SEMA3D: variants seen among roughly 807,000 people sequenced by gnomAD.
SEMA3D encodes the protein semaphorin 3D.
In SEMA3D, 84 loss-of-function variants were observed where a neutral mutation model predicts 100.1. The ratio of observed to expected loss-of-function variants is 0.84; its 90% confidence interval spans 0.70 to 1.01. SEMA3D has a LOEUF of 1.01. Ranked by LOEUF, SEMA3D falls within the 50% of genes least tolerant of loss-of-function variation. SEMA3D has a pLI of 0.00. For missense variants in SEMA3D, 875 were observed against 934.1 expected (o/e 0.94, Z 0.82); for synonymous variants, 312 against 320.7 (o/e 0.97, Z 0.29).
intron 9 of SEMA3D, 41 bp from the exon 10 acceptor site, chr7:85,042,326 C>T (rs778325318): frequency 2.2e-6 from 3 of 1,386,514 alleles, no homozygotes; most frequent in South Asian, 1.2e-5. Context: ...TTTATCAACA[C>T]AATTCTACCA....
chr7:85,236,395 A>G, the SEMA3D span, among the ~76,000 whole-genome samples: 2 of 151,208 alleles, frequency 1.3e-5, no homozygotes, highest in East Asian at 1.9e-4. Context: ...GCAACCTCCA[A>G]CTTCCCATTT....
At chr7:85,140,709 T>A in intron 2 of SEMA3D, 1 of 978,846 alleles carries the variant, frequency 1.0e-6, no homozygotes, top group Non-Finnish European at 1.2e-6. Flanking sequence ...AAGAGATAAA[T>A]CTATTTAATA....
At chr7:85,153,273 C>T (rs988983838) in intron 2 of SEMA3D, among the ~76,000 whole-genome samples, 3 of 152,154 alleles carry the variant, frequency 2.0e-5, no homozygotes, top group African/African-American at 7.2e-5. Context: ...ATATAACTAA[C>T]AGGACTCAAA....
At chr7:85,011,627 T>C (rs920592907) in intron 17 of SEMA3D, among the ~76,000 whole-genome samples, 3 of 151,800 alleles carry the variant, frequency 2.0e-5, no homozygotes, top group Non-Finnish European at 2.9e-5. Flanking sequence ...TCAATACCTA[T>C]AATCATCCCC....
chr7:85,140,639 A>G (rs1790019853), intron 2 of SEMA3D: 1 of 963,502 alleles, frequency 1.0e-6, no homozygotes, highest in Non-Finnish European at 1.2e-6. Context: ...TATAATCTAT[A>G]GCCTACAACC....
chr7:85,110,657 C>A (rs1295448699), intron 3 of SEMA3D, among the ~76,000 whole-genome samples: 1 of 151,954 alleles, frequency 6.6e-6, no homozygotes. Context: ...ATAATCTCAT[C>A]AATACTGTCT....
rs540671114 is a variant in SEMA3D at position 85,058,672 on chromosome 7, C to T, written c.719-2813G>A. Among the ~76,000 whole-genome samples, 324 of 145,468 alleles carry T rather than the reference C, an allele frequency of 2.2e-3. 2 individuals are homozygous for T. The highest frequency in any genetic ancestry group is 7.8e-3 in the African/African-American group (309 of 39,672). ...CTGAGGCAGGAGAATGGCCTGAACCCGGGAGGCGCAGCTTGCAGTGAGACA... is the reference window on the plus strand; with the variant it reads ...CTGAGGCAGGAGAATGGCCTGAACCTGGGAGGCGCAGCTTGCAGTGAGACA... On this transcript the variant is annotated intron_variant, in intron 8 of 18. Coordinates refer to ENST00000284136, the MANE Select transcript of SEMA3D (RefSeq NM_001384900.1).
intron 9 of SEMA3D, among the ~76,000 whole-genome samples, chr7:85,045,668 C>A (rs993260958): frequency 1.3e-5 from 2 of 151,650 alleles, no homozygotes; most frequent in Non-Finnish European, 2.9e-5. Context: ...TAAGAATAAG[C>A]AAAAATATTG....
At chr7:85,158,990 C>G (rs1379980957) in intron 1 of SEMA3D, among the ~76,000 whole-genome samples, 1 of 152,138 alleles carries the variant, frequency 6.6e-6, no homozygotes, top group Non-Finnish European at 1.5e-5. Flanking sequence ...CTGACTGTGT[C>G]TATTGTGTCT....
intron 15 of SEMA3D, 130 bp from the exon 16 acceptor site, chr7:85,015,346 T>C (rs1407055860): frequency 9.5e-6 from 7 of 739,968 alleles, no homozygotes; most frequent in Non-Finnish European, 1.5e-5. Context: ...TAAACACTTG[T>C]ACAGAAACAT....
the SEMA3D span, among the ~76,000 whole-genome samples, chr7:85,243,882 A>G: frequency 7.2e-4 from 109 of 152,304 alleles, 1 homozygote; most frequent in African/African-American, 2.6e-3. Flanking sequence ...ATACTATCTC[A>G]TATTGACAAT....
At chr7:85,187,732 G>A (rs1791601174), upstream of SEMA3D, among the ~76,000 whole-genome samples, 2 of 152,120 alleles carry the variant, frequency 1.3e-5, no homozygotes, top group Admixed American at 1.3e-4. Flanking sequence ...TGGATCCTAT[G>A]CAATTGGAAT....
At chr7:85,130,970 A>G (rs551118382) in intron 2 of SEMA3D, among the ~76,000 whole-genome samples, 1 of 152,106 alleles carries the variant, frequency 6.6e-6, no homozygotes, top group Non-Finnish European at 1.5e-5. Flanking sequence ...GAAATTGTGG[A>G]TAACAAGGGT....
intron 4 of SEMA3D, among the ~76,000 whole-genome samples, chr7:85,085,555 T>G (rs1788190306): frequency 6.6e-6 from 1 of 152,160 alleles, no homozygotes; most frequent in Non-Finnish European, 1.5e-5. Flanking sequence ...GACATATAAT[T>G]ATGAAAGGCC....
intron 13 of SEMA3D, among the ~76,000 whole-genome samples, chr7:85,020,781 A>T (rs1265803437): frequency 6.6e-6 from 1 of 151,694 alleles, no homozygotes; most frequent in East Asian, 2.0e-4. Flanking sequence ...AATGTTGTCA[A>T]ATGAACAAAA....
intron 1 of SEMA3D, among the ~76,000 whole-genome samples, chr7:85,164,993 C>A (rs1051538026): frequency 1.2e-5 from 1 of 84,580 alleles, no homozygotes; most frequent in Non-Finnish European, 2.3e-5. Context: ...TATCCCTCCC[C>A]CTTCCCCCCA....
At chr7:85,067,686 G>A (rs1439953479) in intron 7 of SEMA3D, among the ~76,000 whole-genome samples, 2 of 152,158 alleles carry the variant, frequency 1.3e-5, no homozygotes, top group African/African-American at 2.4e-5. Flanking sequence ...TGTATACAAA[G>A]TGAGAGAAGA....
chr7:85,105,706 T>G (rs1270481895), intron 3 of SEMA3D, among the ~76,000 whole-genome samples: 1 of 152,076 alleles, frequency 6.6e-6, no homozygotes, highest in African/African-American at 2.4e-5. Context: ...CACAAACAAA[T>G]CAAATTCTCT....
intron 12 of SEMA3D, among the ~76,000 whole-genome samples, chr7:85,024,609 C>T (rs1790342456): frequency 6.6e-6 from 1 of 151,960 alleles, no homozygotes; most frequent in Admixed American, 6.6e-5. Flanking sequence ...TTTCTATTGA[C>T]TATAAAATGA....
Sources: gnomAD v4.1 joint callset for allele counts (sites outside exome capture counted in the v4.1 genomes callset) on GRCh38, gnomAD v4.1.1 for gene constraint, MANE v1.5 for transcripts, NCBI Gene and HGNC (gene_info 2026-07-23, HGNC 2026-07-21) for gene names.